The following CCNY variants were observed in gnomAD, a reference collection of about 807,000 sequenced individuals.
CCNY encodes the protein cyclin-Y.
In CCNY, 19 loss-of-function variants were observed where a neutral mutation model predicts 42.8. That is an observed-to-expected ratio of 0.44 (90% CI 0.31 to 0.65). CCNY has a LOEUF of 0.65. Among genes scored for constraint, CCNY ranks in the 30% least tolerant of loss-of-function variants. The probability of loss-of-function intolerance (pLI) is 0.07; values close to 1 mark genes in which losing one functional copy is unlikely to be tolerated. For missense variants in CCNY, 370 were observed against 437.3 expected, an observed-to-expected ratio of 0.85 and a Z score of 1.37; for synonymous variants, 165 against 162.7, an observed-to-expected ratio of 1.01 and a Z score of -0.11.
In CCNY at chr10:35,569,529, A is replaced by G. The variant is rs1841644444; in HGVS notation, c.*359A>G. 1.1e-4 allele frequency: 33 copies of G among 299,144 alleles called. No individual in the cohort carries two copies. In the South Asian group the frequency reaches 1.3e-3, roughly 12 times the overall value. 18.5% of individuals were successfully genotyped at this position (299,144 alleles called of 1,614,324 possible). The stretch of plus-strand genomic sequence containing the variant: ...GGCGGTAGCTGAAGTTGGCGAGCGC[A>G]GCGGTGGATGCAGAGCTGGCTGCAC... On this transcript the variant is annotated 3_prime_UTR_variant, in exon 10 of 10. Transcript: ENST00000374704.
chr10:35,439,104 T>G (rs1838606363), intron 1 of CCNY, among the ~76,000 whole-genome samples: 1 of 152,250 alleles, frequency 6.6e-6, no homozygotes, highest in African/African-American at 2.4e-5. Flanking sequence ...CTTTAGTTTT[T>G]CAAAGTTTAA....
intron 3 of CCNY, among the ~76,000 whole-genome samples, chr10:35,292,516 G>A (rs960638414): frequency 3.5e-4 from 53 of 151,268 alleles, no homozygotes; most frequent in African/African-American, 1.2e-3. Flanking sequence ...GTGCACTACC[G>A]TGCCTGGCTA....
chr10:35,484,784 C>T lies in CCNY; in HGVS notation c.229+1306C>T, dbSNP rs529271351. 3.0e-4 allele frequency among the ~76,000 whole-genome samples: 45 copies of T among 152,300 alleles called. 1 individual carries two copies. In the South Asian group the frequency reaches 5.6e-3, roughly 19 times the overall value. ...ACAAGAAACAAAGCTGGCTTACTTT[C>T]GGGTTTCATTCTTGCTTCTTGTGAA... is the stretch of plus-strand genomic sequence containing the variant. On this transcript the variant is annotated intron_variant, in intron 2 of 9. Transcript: ENST00000374704.
chr10:35,350,694 CTG>C (rs1366174030), intron 1 of CCNY, among the ~76,000 whole-genome samples: 4 of 152,184 alleles, frequency 2.6e-5, no homozygotes, highest in African/African-American at 9.7e-5. Context: ...TGTTGCATCT[CTG>C]TTGCACTGTT....
chr10:35,446,120 T>C (rs923055010), intron 1 of CCNY, among the ~76,000 whole-genome samples: 16 of 152,244 alleles, frequency 1.1e-4, no homozygotes, highest in African/African-American at 3.9e-4. Flanking sequence ...ACTTGGACTG[T>C]ACTGGAAACT....
chr10:35,522,424 AAC>A lies in CCNY; in HGVS notation c.366-3536_366-3535del, dbSNP rs369227182. On this transcript the variant is annotated intron_variant, in intron 4 of 9. Coordinates refer to ENST00000374704, the MANE Select transcript of CCNY (RefSeq NM_145012.6). Reference sequence around the variant, plus strand: ...CTGTGGGTCTACATATCAGTCTCAAAACACAGTTTGGGGAGAAACATTCTCCT... The same window carrying A: ...CTGTGGGTCTACATATCAGTCTCAAAACAGTTTGGGGAGAAACATTCTCCT... Among the ~76,000 whole-genome samples the A allele has an allele frequency of 3.3e-4, 50 of 152,308 alleles. No individual in the cohort carries two copies. In the East Asian group the frequency reaches 8.5e-3, roughly 26 times the overall value.
intron 9 of CCNY, 29 bp downstream of exon 9, chr10:35,566,214 G>T: frequency 6.2e-7 from 1 of 1,601,374 alleles, no homozygotes; most frequent in Non-Finnish European, 8.5e-7. Context: ...GCGTTTTGTG[G>T]TGCAGTGTTG....
intron 1 of CCNY, among the ~76,000 whole-genome samples, chr10:35,454,040 A>G (rs917036812): frequency 6.6e-6 from 1 of 152,186 alleles, no homozygotes; most frequent in Admixed American, 6.5e-5. Context: ...GAAAAACACT[A>G]TACTGTACTG....
At chr10:35,534,171 G>A (rs576469475) in intron 7 of CCNY, among the ~76,000 whole-genome samples, 51 of 152,186 alleles carry the variant, frequency 3.4e-4, no homozygotes, top group Middle Eastern at 3.4e-3. Flanking sequence ...ACAGGCTTGC[G>A]CCACCATGCC....
chr10:35,309,508 G>A (rs1046627947), intron 3 of CCNY, among the ~76,000 whole-genome samples: 4 of 152,082 alleles, frequency 2.6e-5, no homozygotes, highest in South Asian at 2.1e-4. Flanking sequence ...CTGCAGCCTC[G>A]AACTCCTGGG....
chr10:35,569,812 C>T lies in CCNY; in HGVS notation c.*642C>T, dbSNP rs1254936321. ...TGTGCTTGTTCCATTTCTGTACACC[C>T]TTATTTTATACCGTTTTTCTTCAAC... On this transcript the variant is annotated 3_prime_UTR_variant, in exon 10 of 10. Transcript: ENST00000374704. 1 of 152,968 alleles carries T rather than the reference C, an allele frequency of 6.5e-6. No homozygotes were observed. Among genetic ancestry groups the T allele is most frequent in the East Asian group, 1.9e-4 (1 of 5,346 alleles). 9.5% of individuals were successfully genotyped at this position (152,968 alleles called of 1,614,324 possible). A position where few individuals can be genotyped will look rare whatever the true frequency, so the allele number is the denominator to read the frequency against.
At chr10:35,335,981 G>A (rs1836017386), upstream of CCNY, 1 of 152,716 alleles carries the variant, frequency 6.5e-6, no homozygotes, top group Admixed American at 6.5e-5. Flanking sequence ...TGGAGGCTGA[G>A]GCGGGAGAAT....
In CCNY at chr10:35,476,265, G is replaced by A. The variant is rs891733435; in HGVS notation, c.155-7139G>A. 5.0e-3 allele frequency among the ~76,000 whole-genome samples: 752 copies of A among 151,640 alleles called. 6 individuals carry two copies. The highest frequency in any genetic ancestry group is 0.017 in the African/African-American group (717 of 40,996). ...ATAAGGATACCCAGGAATTGAACTC[G>A]GCTCTGCACCAAGCAGACCTAATAG... is the stretch of plus-strand genomic sequence containing the variant. On this transcript the variant is annotated intron_variant, in intron 1 of 9. Coordinates refer to ENST00000374704, the MANE Select transcript of CCNY (RefSeq NM_145012.6).
chr10:35,425,992 G>T (rs1345132060), intron 1 of CCNY, among the ~76,000 whole-genome samples: 1 of 151,926 alleles, frequency 6.6e-6, no homozygotes, highest in Non-Finnish European at 1.5e-5. Context: ...CACCCTGGGG[G>T]AGACTCTGAA....
chr10:35,333,712 T>C (rs947272874), upstream of CCNY, among the ~76,000 whole-genome samples: 4 of 152,216 alleles, frequency 2.6e-5, no homozygotes, highest in African/African-American at 9.6e-5. Context: ...GTATAGTGCA[T>C]GGCAGCTAGC....
In CCNY at chr10:35,343,562, G is replaced by A. The variant is rs141281792; in HGVS notation, c.154+6355G>A. ...GTGCCACCACGTCCGGCTAATTTTT[G>A]TACTTTTAGTAGAGACGGGGTTTTG... On this transcript the variant is annotated intron_variant, in intron 1 of 9. Transcript: ENST00000374704. 3.0e-3 allele frequency among the ~76,000 whole-genome samples: 454 copies of A among 151,846 alleles called. 1 individual carries two copies. The highest frequency in any genetic ancestry group is 0.01 in the African/African-American group (430 of 41,414).
At chr10:35,371,860 G>T (rs746968022) in intron 1 of CCNY, among the ~76,000 whole-genome samples, 1 of 152,192 alleles carries the variant, frequency 6.6e-6, no homozygotes, top group East Asian at 1.9e-4. Flanking sequence ...CAGCAATTCT[G>T]AGTTCTTAAG....
chr10:35,518,963 G>C (rs999906220), intron 4 of CCNY, among the ~76,000 whole-genome samples: 19 of 148,758 alleles, frequency 1.3e-4, no homozygotes, highest in Non-Finnish European at 2.4e-4. Flanking sequence ...TGGGTATCTG[G>C]ATTTTTAACA....
chr10:35,363,775 T>C (rs2135161044), intron 1 of CCNY, among the ~76,000 whole-genome samples: 2 of 152,188 alleles, frequency 1.3e-5, no homozygotes, highest in South Asian at 4.2e-4. Context: ...TATGAAATCA[T>C]TGTTGAAAGA....
Sources: gnomAD v4.1 joint callset for allele counts (sites outside exome capture counted in the v4.1 genomes callset) on GRCh38, gnomAD v4.1.1 for gene constraint, MANE v1.5 for transcripts, NCBI Gene and HGNC (gene_info 2026-07-23, HGNC 2026-07-21) for gene names.